SLC14A2: variants seen among roughly 807,000 people sequenced by gnomAD.
The protein encoded by SLC14A2 is solute carrier family 14 member 2.
Under a neutral mutation model 104.6 loss-of-function variants are expected in SLC14A2, and 91 were observed. The observed-to-expected ratio is 0.87, with a 90% CI of 0.73 to 1.04. The LOEUF is 1.04. Ranked by LOEUF, SLC14A2 falls within the 50% of genes least tolerant of loss-of-function variation. The pLI is 0.00. For synonymous variants in SLC14A2, 476 were observed against 466.4 expected (o/e 1.02, Z -0.27); for missense variants, 1,189 against 1,156.0 (o/e 1.03, Z -0.41).
At chr18:45,227,500 T>A (rs1282856711) in intron 1 of SLC14A2, among the ~76,000 whole-genome samples, 1 of 152,242 alleles carries the variant, frequency 6.6e-6, no homozygotes. Flanking sequence ...CATTATCACA[T>A]AGCAGAAGGC....
intron 1 of SLC14A2, among the ~76,000 whole-genome samples, chr18:45,457,999 C>A (rs1402254386): frequency 6.6e-6 from 1 of 152,074 alleles, no homozygotes; most frequent in East Asian, 1.9e-4. Flanking sequence ...CACATGTGAG[C>A]CTTCGTAGGA....
chr18:45,360,660 C>G (rs2085601527), intron 1 of SLC14A2, among the ~76,000 whole-genome samples: 1 of 152,180 alleles, frequency 6.6e-6, no homozygotes, highest in South Asian at 2.1e-4. Flanking sequence ...CCTAAAGGCT[C>G]TCTAGCTGGT....
At chr18:45,669,970 T>G (rs1398004503) in intron 16 of SLC14A2, among the ~76,000 whole-genome samples, 1 of 152,204 alleles carries the variant, frequency 6.6e-6, no homozygotes, top group South Asian at 2.1e-4. Context: ...TTTATTCCCT[T>G]CACTCACCAA....
chr18:45,256,878 C>A (rs568528659), intron 1 of SLC14A2, among the ~76,000 whole-genome samples: 5 of 152,324 alleles, frequency 3.3e-5, no homozygotes, highest in Middle Eastern at 3.4e-3. Flanking sequence ...AAAGGTCAAC[C>A]AAACATCATA....
At chr18:45,405,237 C>T (rs1407188631) in intron 1 of SLC14A2, among the ~76,000 whole-genome samples, 1 of 152,112 alleles carries the variant, frequency 6.6e-6, no homozygotes, top group Non-Finnish European at 1.5e-5. Context: ...GACTGGGGAC[C>T]ATCTTTGGAG....
intron 1 of SLC14A2, among the ~76,000 whole-genome samples, chr18:45,340,222 A>G (rs1283703333): frequency 6.6e-6 from 1 of 152,216 alleles, no homozygotes; most frequent in Non-Finnish European, 1.5e-5. Flanking sequence ...TCCAGAAGCA[A>G]TTACATGACA....
upstream of SLC14A2, among the ~76,000 whole-genome samples, chr18:45,611,603 G>T (rs1412833325): frequency 6.6e-6 from 1 of 152,186 alleles, no homozygotes; most frequent in Non-Finnish European, 1.5e-5. Context: ...GCTACATAAG[G>T]CCCAGCTCTA....
chr18:45,475,619 GATATAT>G (rs200761666), intron 1 of SLC14A2, among the ~76,000 whole-genome samples: 9 of 68,274 alleles, frequency 1.3e-4, no homozygotes, highest in African/African-American at 4.2e-4. Flanking sequence ...ATATATTTAG[GATATAT>G]ATATATATAT....
the SLC14A2 span, among the ~76,000 whole-genome samples, chr18:45,170,904 G>T: frequency 1.3e-5 from 2 of 152,170 alleles, no homozygotes; most frequent in Non-Finnish European, 2.9e-5. Flanking sequence ...GCCATTGGGG[G>T]TAGGAGAAGA....
intron 1 of SLC14A2, among the ~76,000 whole-genome samples, chr18:45,414,769 T>C (rs1266728099): frequency 3.4e-5 from 2 of 59,094 alleles, no homozygotes; most frequent in Admixed American, 3.7e-4. Context: ...TATATATATA[T>C]ATATATATAT....
At chr18:45,599,675 C>G (rs1009235168) in intron 2 of SLC14A2, among the ~76,000 whole-genome samples, 1 of 152,216 alleles carries the variant, frequency 6.6e-6, no homozygotes, top group Non-Finnish European at 1.5e-5. Context: ...GCAACAGGCA[C>G]TGTTCCGAGC....
At chr18:45,680,177 C>G (rs966821867) in intron 19 of SLC14A2, among the ~76,000 whole-genome samples, 1 of 152,198 alleles carries the variant, frequency 6.6e-6, no homozygotes, top group African/African-American at 2.4e-5. Context: ...TTATCAGCCT[C>G]TAACTATACC....
At chr18:45,183,537 ATTAGC>A in the SLC14A2 span, among the ~76,000 whole-genome samples, 1 of 152,034 alleles carries the variant, frequency 6.6e-6, no homozygotes, top group Non-Finnish European at 1.5e-5. Flanking sequence ...AATATTTCCC[ATTAGC>A]TTTGTTAGTG....
At chr18:45,438,698 T>C (rs2086635558) in intron 1 of SLC14A2, among the ~76,000 whole-genome samples, 1 of 152,188 alleles carries the variant, frequency 6.6e-6, no homozygotes, top group African/African-American at 2.4e-5. Context: ...GGAATAAAAA[T>C]ATCCTAATGA....
chr18:45,677,252 G>A (rs1023157692), intron 18 of SLC14A2, among the ~76,000 whole-genome samples: 4 of 152,224 alleles, frequency 2.6e-5, no homozygotes, highest in African/African-American at 9.6e-5. Context: ...ATCAGTGGGG[G>A]AAGAGGGAGA....
intron 2 of SLC14A2, among the ~76,000 whole-genome samples, chr18:45,589,356 C>T (rs1243476671): frequency 2.0e-5 from 3 of 152,132 alleles, no homozygotes; most frequent in South Asian, 2.1e-4. Flanking sequence ...AATGAATATA[C>T]GTGTATGTCT....
chr18:45,671,785 G>T (rs1023776944), intron 16 of SLC14A2, among the ~76,000 whole-genome samples: 1 of 152,166 alleles, frequency 6.6e-6, no homozygotes, highest in Non-Finnish European at 1.5e-5. Flanking sequence ...AGAGAAGAGC[G>T]TCCTTGCCTT....
chr18:45,224,084 T>C (rs958558632), intron 1 of SLC14A2, among the ~76,000 whole-genome samples: 4 of 152,198 alleles, frequency 2.6e-5, no homozygotes, highest in African/African-American at 9.7e-5. Context: ...AGTTTCAGCA[T>C]AATCCTTAGT....
At chr18:45,586,384 C>T (rs896401319) in intron 2 of SLC14A2, among the ~76,000 whole-genome samples, 1 of 152,148 alleles carries the variant, frequency 6.6e-6, no homozygotes, top group Non-Finnish European at 1.5e-5. Flanking sequence ...TGGGAGAAAT[C>T]GCTAGAAGCT....
Sources: allele counts gnomAD v4.1 joint callset (sites outside exome capture counted in the v4.1 genomes callset), GRCh38; gene constraint gnomAD v4.1.1; transcripts MANE v1.5; gene names NCBI Gene and HGNC (gene_info 2026-07-23, HGNC 2026-07-21).